The following CNTNAP2 variants were observed in gnomAD, a reference collection of about 807,000 sequenced individuals.
The protein encoded by CNTNAP2 is contactin-associated protein-like 2.
CNTNAP2 carries 98 observed loss-of-function variants against 155.2 expected under a neutral mutation model. That is an observed-to-expected ratio of 0.63 (90% CI 0.54 to 0.75). CNTNAP2 has a LOEUF of 0.75. CNTNAP2 is among the 30% of genes least tolerant of loss of function. The pLI, the probability that CNTNAP2 is intolerant of heterozygous loss-of-function variation, is 0.00. For missense variants in CNTNAP2, 1,727 were observed against 1,688.1 expected, an observed-to-expected ratio of 1.02 and a Z score of -0.40; for synonymous variants, 651 against 631.2, an observed-to-expected ratio of 1.03 and a Z score of -0.47.
chr7:147,078,923 T>G (rs1234920146), intron 4 of CNTNAP2, among the ~76,000 whole-genome samples: 1 of 151,852 alleles, frequency 6.6e-6, no homozygotes, highest in Admixed American at 6.6e-5. Flanking sequence ...CTAATTTTTT[T>G]TATTTTCAGT....
chr7:147,633,708 G>A (rs1795128895), intron 12 of CNTNAP2, among the ~76,000 whole-genome samples: 1 of 152,074 alleles, frequency 6.6e-6, no homozygotes, highest in Non-Finnish European at 1.5e-5. Flanking sequence ...AAGGTCTGAT[G>A]GTTTTATAGG....
At chr7:146,594,001 G>C (rs891142388) in intron 1 of CNTNAP2, among the ~76,000 whole-genome samples, 2 of 152,110 alleles carry the variant, frequency 1.3e-5, no homozygotes, top group African/African-American at 4.8e-5. Context: ...TCCAGGTGAT[G>C]TGAAGGGAAT....
chr7:147,574,997 A>G (rs1361052320), intron 12 of CNTNAP2, among the ~76,000 whole-genome samples: 2 of 152,036 alleles, frequency 1.3e-5, no homozygotes, highest in East Asian at 3.9e-4. Context: ...CCAGACTTTC[A>G]AGTTAAGATT....
At chr7:146,770,423 A>C (rs1400159976) in intron 1 of CNTNAP2, among the ~76,000 whole-genome samples, 2 of 151,894 alleles carry the variant, frequency 1.3e-5, no homozygotes, top group African/African-American at 4.8e-5. Flanking sequence ...AATCGTGATT[A>C]ATGTCCTCCA....
At chr7:147,004,211 C>CAAAAAAA (rs1670711738) in intron 3 of CNTNAP2, among the ~76,000 whole-genome samples, 1 of 82,068 alleles carries the variant, frequency 1.2e-5, no homozygotes, top group Admixed American at 1.2e-4. Flanking sequence ...AACTCATATA[C>CAAAAAAA]CAAAAAAAAA....
chr7:148,178,681 G>T (rs1794986235), intron 18 of CNTNAP2, among the ~76,000 whole-genome samples: 1 of 152,248 alleles, frequency 6.6e-6, no homozygotes, highest in African/African-American at 2.4e-5. Flanking sequence ...GTTTGTCACT[G>T]AGCCTTATCT....
At chr7:148,131,618 C>T (rs1585142660) in intron 16 of CNTNAP2, among the ~76,000 whole-genome samples, 2 of 152,162 alleles carry the variant, frequency 1.3e-5, no homozygotes, top group African/African-American at 4.8e-5. Context: ...ATAATGAACA[C>T]ATGGATTTAT....
chr7:147,352,713 T>A (rs1290784791), intron 9 of CNTNAP2, among the ~76,000 whole-genome samples: 1 of 152,022 alleles, frequency 6.6e-6, no homozygotes, highest in Non-Finnish European at 1.5e-5. Flanking sequence ...TTATTTTGGC[T>A]GCTCTATTGC....
intron 4 of CNTNAP2, among the ~76,000 whole-genome samples, chr7:147,067,210 G>C (rs953584600): frequency 8.8e-5 from 13 of 147,002 alleles, no homozygotes; most frequent in African/African-American, 3.0e-4. Context: ...AGAATCACTG[G>C]AACTCATGAG....
chr7:147,269,225 C>T (rs1804685953), intron 8 of CNTNAP2, among the ~76,000 whole-genome samples: 1 of 152,122 alleles, frequency 6.6e-6, no homozygotes, highest in Non-Finnish European at 1.5e-5. Flanking sequence ...TAAGATATTT[C>T]AAAATGCACT....
At chr7:146,550,491 T>C (rs559648756) in intron 1 of CNTNAP2, among the ~76,000 whole-genome samples, 2 of 127,334 alleles carry the variant, frequency 1.6e-5, no homozygotes, top group East Asian at 5.4e-4. Context: ...CCGAAAAACA[T>C]AGAGTTCCTG....
At chr7:146,696,013 C>G (rs1800775902) in intron 1 of CNTNAP2, among the ~76,000 whole-genome samples, 1 of 152,154 alleles carries the variant, frequency 6.6e-6, no homozygotes, top group South Asian at 2.1e-4. Context: ...CTTAACAGAT[C>G]TTAGTCTGGA....
chr7:147,961,573 A>G (rs1242059325), intron 14 of CNTNAP2, among the ~76,000 whole-genome samples: 1 of 152,212 alleles, frequency 6.6e-6, no homozygotes, highest in Admixed American at 6.6e-5. Context: ...CAGTTTTCCA[A>G]TAGAAGACAT....
chr7:147,828,286 T>A (rs942111151), intron 13 of CNTNAP2, among the ~76,000 whole-genome samples: 3 of 152,158 alleles, frequency 2.0e-5, no homozygotes, highest in Non-Finnish European at 4.4e-5. Flanking sequence ...CAGACAAAAT[T>A]GGATCGAAGT....
At chr7:147,285,912 A>C (rs1233069784) in intron 8 of CNTNAP2, among the ~76,000 whole-genome samples, 1 of 151,936 alleles carries the variant, frequency 6.6e-6, no homozygotes, top group African/African-American at 2.4e-5. Flanking sequence ...TCTCAGCTAC[A>C]CTCTGTCTTC....
chr7:148,303,726 G>T (rs1104852), intron 21 of CNTNAP2, among the ~76,000 whole-genome samples: 1 of 151,970 alleles, frequency 6.6e-6, no homozygotes, highest in Non-Finnish European at 1.5e-5. Flanking sequence ...TCCTAATTGG[G>T]AATTATCTTG....
intron 1 of CNTNAP2, among the ~76,000 whole-genome samples, chr7:146,739,257 T>C (rs1361151365): frequency 6.6e-6 from 1 of 152,008 alleles, no homozygotes; most frequent in African/African-American, 2.4e-5. Flanking sequence ...TTTTTTGATA[T>C]AGGCATTTAT....
At chr7:146,441,852 A>G (rs973956682) in intron 1 of CNTNAP2, among the ~76,000 whole-genome samples, 3 of 151,618 alleles carry the variant, frequency 2.0e-5, no homozygotes, top group Non-Finnish European at 4.4e-5. Flanking sequence ...AAGAAGTCTC[A>G]TGGAAGAAAC....
intron 13 of CNTNAP2, among the ~76,000 whole-genome samples, chr7:147,801,340 T>A (rs1797981533): frequency 6.6e-6 from 1 of 151,368 alleles, no homozygotes; most frequent in Non-Finnish European, 1.5e-5. Context: ...TTTTTTTTTT[T>A]TTATTGATCA....
Sources: gnomAD v4.1 joint callset for allele counts (sites outside exome capture counted in the v4.1 genomes callset) on GRCh38, gnomAD v4.1.1 for gene constraint, MANE v1.5 for transcripts, NCBI Gene and HGNC (gene_info 2026-07-23, HGNC 2026-07-21) for gene names.